The following BPI variants were observed in gnomAD, a reference collection of about 807,000 sequenced individuals.
The protein encoded by BPI is bactericidal permeability-increasing protein.
Under a neutral mutation model 57.6 loss-of-function variants are expected in BPI, and 48 were observed. The ratio of observed to expected loss-of-function variants is 0.83; its 90% CI spans 0.66 to 1.06. The LOEUF is 1.06. Ranked by LOEUF, BPI falls within the 50% of genes least tolerant of loss-of-function variation. The probability of loss-of-function intolerance (pLI) is 0.00; values close to 1 mark genes in which losing one functional copy is unlikely to be tolerated. For synonymous variants in BPI, 237 were observed against 238.2 expected, an observed-to-expected ratio of 0.99 and a Z score of 0.05; for missense variants, 651 against 609.7, an observed-to-expected ratio of 1.07 and a Z score of -0.71.
rs1280312204 is a variant in BPI, at chr20:38,337,153, T to G, written c.1421T>G (p.Leu474Arg). The change falls in exon 15 of 15, where the codon CTG becomes CGG. Residue 474 changes from leucine to arginine, a missense_variant. Coordinates refer to ENST00000642449, the MANE Select transcript of BPI (RefSeq NM_001725.3). ...ATTCTCATCTCTCCCTAGAACTTCC[T>G]GCTGTTCGGTGCAGACGTTGTCTAT... ...NVVLQPHQNF[L>R]LFGADVVYK 1.2e-6 allele frequency: 2 copies of G among 1,601,592 alleles called. No homozygotes were observed. Among genetic ancestry groups the G allele is most frequent in the Non-Finnish European group, 1.7e-6 (2 of 1,175,078 alleles).
rs1304109504 is a variant in BPI, at chr20:38,326,402, C to T, written c.1131C>T (p.Ser377=). ...DVQAFAVLPN[S]SLASLFLIGM... is the part of the protein sequence containing the mutation. ...AGGCCTTTGCCGTCCTCCCCAACTC[C>T]TCCCTGGCTTCCCTCTTCCTGATTG... The change falls in exon 10 of 15, where the codon TCC becomes TCT. Residue 377 remains serine, a synonymous_variant. Coordinates refer to ENST00000642449, the MANE Select transcript of BPI (RefSeq NM_001725.3). 4 of 1,614,028 alleles carry T rather than the reference C, an allele frequency of 2.5e-6. No individual in the cohort carries two copies. Among genetic ancestry groups the T allele is most frequent in the Non-Finnish European group, 3.4e-6 (4 of 1,179,958 alleles).
chr20:38,324,185 C>T (rs1474493849), intron 8 of BPI, 139 bp downstream of exon 8: 1 of 1,041,816 alleles, frequency 9.6e-7, no homozygotes, highest in African/African-American at 1.6e-5. Flanking sequence ...GAGCTGAGTT[C>T]CAATATCGGC....
intron 9 of BPI, among the ~76,000 whole-genome samples, chr20:38,325,718 C>T (rs2076709056): frequency 6.6e-6 from 1 of 152,132 alleles, no homozygotes; most frequent in Non-Finnish European, 1.5e-5. Flanking sequence ...TACAGAGAAG[C>T]TCTGGTTGGG....
In BPI at chr20:38,330,053, C is replaced by A. The variant is rs540187509; in HGVS notation, c.1230-995C>A. Among the ~76,000 whole-genome samples the A allele has an allele frequency of 7.2e-5, 11 of 152,170 alleles. No individual in the cohort carries two copies. The South Asian group carries it at 2.3e-3, about 32-fold the overall frequency. ...TATAGCCTGGGCAACATAGTGAGAC[C>A]CTGTCTCTACAACAAAATTTTTAAA... is the stretch of plus-strand genomic sequence containing the variant. On this transcript the variant is annotated intron_variant, in intron 11 of 14. Transcript: ENST00000642449.
chr20:38,329,519 G>T (rs4592915), intron 11 of BPI, among the ~76,000 whole-genome samples: 70,197 of 152,000 alleles, frequency 0.46, 16,589 homozygotes, highest in Middle Eastern at 0.52. Context: ...GAGCTGGAGA[G>T]GATACAGCTG....
Position 38,310,479 on chromosome 20 carries a change from GTTC to G in BPI, c.375-5_375-3del, listed in dbSNP as rs2076616564. 2 of 1,611,056 alleles carry G rather than the reference GTTC, an allele frequency of 1.2e-6. No individual in the cohort carries two copies. Among genetic ancestry groups the G allele is most frequent in the Non-Finnish European group, 1.7e-6 (2 of 1,177,584 alleles). ...AAGGACTTGTCCCACATTCCTCTTTGTTCTTCTTCAGAAAAATGAGCGGCAATT... is the reference window on the plus strand; with the variant it reads ...AAGGACTTGTCCCACATTCCTCTTTGTTCTTCAGAAAAATGAGCGGCAATT... On this transcript the variant is annotated splice_polypyrimidine_tract_variant and intron_variant, in intron 3 of 14. Transcript: ENST00000642449.
At chr20:38,305,722 T>TCTGAGCCTCAGCTTC (rs2076593674) in intron 1 of BPI, among the ~76,000 whole-genome samples, 1 of 152,226 alleles carries the variant, frequency 6.6e-6, no homozygotes, top group South Asian at 2.1e-4. Flanking sequence ...ACCTCAGCTT[T>TCTGAGCCTCAGCTTC]CTGAGCCTCA....
chr20:38,334,546 G>A (rs1280624983), intron 13 of BPI, 53 bp downstream of exon 13: 25 of 1,567,756 alleles, frequency 1.6e-5, no homozygotes, highest in Non-Finnish European at 2.0e-5. Context: ...AAGAGGGTGG[G>A]GTTGATTACC....
intron 2 of BPI, among the ~76,000 whole-genome samples, chr20:38,308,486 C>T (rs1457377743): frequency 1.3e-5 from 2 of 152,192 alleles, no homozygotes; most frequent in Non-Finnish European, 1.5e-5. Context: ...ATTTTGAGCA[C>T]CCACTGTGTG....
At chr20:38,307,518 C>A in intron 1 of BPI, 49 bp from the exon 2 acceptor site, 1 of 1,432,752 alleles carries the variant, frequency 7.0e-7, no homozygotes, top group South Asian at 1.3e-5. Flanking sequence ...CCCTCTGTCC[C>A]CTGCTCCAGG....
In BPI at chr20:38,333,056, TCCAACC is replaced by T. The variant is rs578137460; in HGVS notation, c.1273-1369_1273-1364del. Reference sequence around the variant, plus strand: ...CACCAAGTGAGTGCCTTGTAAGCCCTCCAACCCCAAAGTCATACCGTCCCAGTGTCC... The same window carrying T: ...CACCAAGTGAGTGCCTTGTAAGCCCTCCAAAGTCATACCGTCCCAGTGTCC... On this transcript the variant is annotated intron_variant, in intron 12 of 14. Coordinates refer to ENST00000642449, the MANE Select transcript of BPI (RefSeq NM_001725.3). Among the ~76,000 whole-genome samples, 35 of 152,122 alleles carry T rather than the reference TCCAACC, an allele frequency of 2.3e-4. 1 individual carries two copies. The East Asian group carries it at 6.8e-3, about 29-fold the overall frequency.
intron 5 of BPI, among the ~76,000 whole-genome samples, chr20:38,314,696 G>A (rs892894298): frequency 2.3e-4 from 33 of 145,860 alleles, no homozygotes; most frequent in Non-Finnish European, 1.5e-5. Context: ...GGATGATGAT[G>A]GTGGTGATGG....
intron 6 of BPI, among the ~76,000 whole-genome samples, chr20:38,319,261 A>G (rs2076668902): frequency 6.6e-6 from 1 of 152,078 alleles, no homozygotes; most frequent in African/African-American, 2.4e-5. Flanking sequence ...ACAAAACAAA[A>G]AACACATGAG....
chr20:38,335,129 C>T lies in BPI; in HGVS notation c.1337-469C>T, dbSNP rs1306788605. Among the ~76,000 whole-genome samples the T allele has an allele frequency of 2.0e-5, 3 of 152,112 alleles. No homozygotes were observed. In the East Asian group the frequency reaches 5.8e-4, roughly 29 times the overall value. ...TTGACAAATGTAGCTTTGTAATGAC[C>T]TGGGAGGCCACGTTCTAATTTAGAG... is the stretch of plus-strand genomic sequence containing the variant. On this transcript the variant is annotated intron_variant, in intron 13 of 14. Transcript: ENST00000642449.
intron 1 of BPI, 106 bp from the exon 2 acceptor site, chr20:38,307,461 A>T (rs2076602201): frequency 1.3e-6 from 1 of 758,628 alleles, no homozygotes; most frequent in Non-Finnish European, 2.1e-6. Flanking sequence ...TTCCAGTGCC[A>T]CTGTCCATGC....
chr20:38,325,720 C>T (rs538892005), intron 9 of BPI, among the ~76,000 whole-genome samples: 3 of 152,212 alleles, frequency 2.0e-5, no homozygotes, highest in Admixed American at 1.3e-4. Flanking sequence ...CAGAGAAGCT[C>T]TGGTTGGGGG....
intron 13 of BPI, 188 bp from the exon 14 acceptor site, chr20:38,335,410 T>G (rs1276089714): frequency 3.3e-6 from 2 of 608,002 alleles, no homozygotes; most frequent in Middle Eastern, 4.3e-4. Context: ...TTGGGGTTGA[T>G]GGACAACAGG....
intron 2 of BPI, among the ~76,000 whole-genome samples, chr20:38,308,625 T>C (rs2076607501): frequency 6.6e-6 from 1 of 152,176 alleles, no homozygotes; most frequent in Non-Finnish European, 1.5e-5. Context: ...CCCTGCAAAA[T>C]AGCAATCACT....
rs145885865 is a variant in BPI, at chr20:38,335,659, G to A, written c.1398G>A (p.Val466=). 1.7e-5 allele frequency: 27 copies of A among 1,614,168 alleles called. No individual in the cohort carries two copies. In the East Asian group the frequency reaches 5.8e-4, roughly 35 times the overall value. Reference sequence around the variant, plus strand: ...CCAGAGTCCAGCTCTACAACGTAGTGCTTCAGCCTCACCAGGTGAGTCCCG... The same window carrying A: ...CCAGAGTCCAGCTCTACAACGTAGTACTTCAGCCTCACCAGGTGAGTCCCG... ...TPARVQLYNV[V]LQPHQNFLLF... The change falls in exon 14 of 15, where the codon GTG becomes GTA. Residue 466 remains valine, a synonymous_variant. Transcript: ENST00000642449.
Sources: allele counts gnomAD v4.1 joint callset (sites outside exome capture counted in the v4.1 genomes callset), GRCh38; gene constraint gnomAD v4.1.1; transcripts MANE v1.5; gene names NCBI Gene and HGNC (gene_info 2026-07-23, HGNC 2026-07-21).